DLG2: variants seen among roughly 807,000 people sequenced by gnomAD.
DLG2 encodes the protein discs large MAGUK scaffold protein 2.
A neutral mutation model predicts 132.5 loss-of-function variants in DLG2; 45 were observed. The observed-to-expected ratio is 0.34, with a 90% confidence interval of 0.27 to 0.44. The LOEUF (loss-of-function observed/expected upper bound fraction) is 0.44, where lower values mean the gene tolerates loss of function less well. Among genes scored for constraint, DLG2 ranks in the 20% least tolerant of loss-of-function variants. The pLI, the probability that DLG2 is intolerant of heterozygous loss-of-function variation, is 1.00. For synonymous variants in DLG2, 424 were observed against 419.6 expected, an observed-to-expected ratio of 1.01 and a Z score of -0.13; for missense variants, 1,045 against 1,196.9, an observed-to-expected ratio of 0.87 and a Z score of 1.87.
chr11:83,633,646 G>A, intron 18 of DLG2, among the ~76,000 whole-genome samples: 1 of 151,614 alleles, frequency 6.6e-6, no homozygotes, highest in Admixed American at 6.6e-5. Flanking sequence ...TTATAAACAG[G>A]CAATGTAAAG....
At chr11:83,645,018 A>G (rs2067727778) in intron 18 of DLG2, among the ~76,000 whole-genome samples, 2 of 152,130 alleles carry the variant, frequency 1.3e-5, no homozygotes, top group South Asian at 4.1e-4. Context: ...GTGGATAGAA[A>G]ACCTGGAGGT....
intron 6 of DLG2, among the ~76,000 whole-genome samples, chr11:84,958,011 A>T (rs2051954486): frequency 6.6e-6 from 1 of 152,192 alleles, no homozygotes; most frequent in Non-Finnish European, 1.5e-5. Flanking sequence ...TACCTAGTAG[A>T]TGTCTGATGG....
At chr11:84,001,600 C>T (rs2094348945) in intron 11 of DLG2, among the ~76,000 whole-genome samples, 1 of 152,098 alleles carries the variant, frequency 6.6e-6, no homozygotes, top group African/African-American at 2.4e-5. Flanking sequence ...ATGGACCTAA[C>T]ATACATTTGC....
intron 6 of DLG2, among the ~76,000 whole-genome samples, chr11:84,591,223 C>CTCTCTGTGTGTGTGTGTGTGTGTGTG (rs1555073566): frequency 7.2e-6 from 1 of 139,222 alleles, no homozygotes; most frequent in Non-Finnish European, 1.5e-5. Context: ...ATGTGTCTCT[C>CTCTCTGTGTGTGTGTGTGTGTGTGTG]TGTGTGTGTG....
At chr11:84,225,464 C>T (rs927882105) in intron 8 of DLG2, among the ~76,000 whole-genome samples, 3 of 152,174 alleles carry the variant, frequency 2.0e-5, no homozygotes, top group African/African-American at 4.8e-5. Flanking sequence ...TCTCGTGTCA[C>T]GATTTTTAAT....
intron 6 of DLG2, among the ~76,000 whole-genome samples, chr11:84,620,862 G>T (rs1208213103): frequency 6.6e-6 from 1 of 152,068 alleles, no homozygotes; most frequent in Non-Finnish European, 1.5e-5. Flanking sequence ...GGAAACTTGT[G>T]TACTGATACC....
chr11:85,162,681 G>T (rs1041173547), intron 4 of DLG2, among the ~76,000 whole-genome samples: 4 of 152,184 alleles, frequency 2.6e-5, no homozygotes, highest in Non-Finnish European at 4.4e-5. Context: ...TATTTGGGTT[G>T]GGGATTGGTG....
At chr11:84,478,691 A>G (rs977817675) in intron 7 of DLG2, among the ~76,000 whole-genome samples, 1 of 152,104 alleles carries the variant, frequency 6.6e-6, no homozygotes, top group African/African-American at 2.4e-5. Context: ...ACAGAACCAG[A>G]GTTAATGCCG....
In DLG2 at chr11:85,110,835, AG is replaced by A. The variant is rs571690828; in HGVS notation, c.357+825del. 1.6e-4 allele frequency among the ~76,000 whole-genome samples: 25 copies of A among 152,220 alleles called. 1 individual carries two copies. In the East Asian group the frequency reaches 4.7e-3, roughly 28 times the overall value. On this transcript the variant is annotated intron_variant, in intron 6 of 27. Coordinates refer to ENST00000376104, the MANE Select transcript of DLG2 (RefSeq NM_001142699.3). ...ACATATTACTTTTCCATTGCCTACA[AG>A]GGGAGTCAAATGAGGAGAATTTCCA...
chr11:85,282,359 G>T (rs192318199), intron 4 of DLG2, among the ~76,000 whole-genome samples: 2 of 151,974 alleles, frequency 1.3e-5, no homozygotes, highest in Admixed American at 1.3e-4. Flanking sequence ...AGTGGAATTA[G>T]AATGTTCCTA....
At chr11:83,540,297 G>A (rs1392001398) in intron 20 of DLG2, among the ~76,000 whole-genome samples, 1 of 152,212 alleles carries the variant, frequency 6.6e-6, no homozygotes, top group Non-Finnish European at 1.5e-5. Context: ...CTGAGTCAAT[G>A]CTTTAAACAT....
chr11:83,630,106 AAAGT>A (rs1338735351), intron 19 of DLG2, among the ~76,000 whole-genome samples: 1 of 152,182 alleles, frequency 6.6e-6, no homozygotes, highest in Non-Finnish European at 1.5e-5. Flanking sequence ...TAAAGGAAAA[AAAGT>A]ATAACTAGAT....
chr11:84,306,475 A>C (rs1485157039), intron 7 of DLG2, among the ~76,000 whole-genome samples: 2 of 152,342 alleles, frequency 1.3e-5, no homozygotes, highest in African/African-American at 4.8e-5. Context: ...ACAACTGACA[A>C]AATTGCTAAC....
At chr11:83,809,500 G>C (rs1051944416) in intron 17 of DLG2, among the ~76,000 whole-genome samples, 2 of 152,088 alleles carry the variant, frequency 1.3e-5, no homozygotes, top group Admixed American at 1.3e-4. Flanking sequence ...ATAGAGACCT[G>C]CTACATATCA....
intron 5 of DLG2, among the ~76,000 whole-genome samples, chr11:85,139,181 T>C (rs1393803707): frequency 6.6e-6 from 1 of 152,116 alleles, no homozygotes; most frequent in Non-Finnish European, 1.5e-5. Context: ...ATCTTCTCTA[T>C]TCATCTCTTA....
At chr11:84,354,447 A>G (rs2098599113) in intron 7 of DLG2, among the ~76,000 whole-genome samples, 2 of 152,146 alleles carry the variant, frequency 1.3e-5, no homozygotes, top group South Asian at 4.1e-4. Context: ...CCTAATTTTG[A>G]GAAGGAAATT....
At chr11:85,283,886 G>GAA (rs775403392) in intron 4 of DLG2, among the ~76,000 whole-genome samples, 1 of 103,364 alleles carries the variant, frequency 9.7e-6, no homozygotes, top group Non-Finnish European at 2.1e-5. Flanking sequence ...GAAACAGTTA[G>GAA]AAAAAAAAAA....
At chr11:85,470,210 T>C (rs1182652730) in intron 3 of DLG2, among the ~76,000 whole-genome samples, 2 of 149,824 alleles carry the variant, frequency 1.3e-5, no homozygotes, top group Non-Finnish European at 3.0e-5. Flanking sequence ...TTAATCTACT[T>C]GGTTTTTTTT....
intron 3 of DLG2, among the ~76,000 whole-genome samples, chr11:85,539,702 C>A (rs549964109): frequency 1.3e-5 from 2 of 151,800 alleles, no homozygotes; most frequent in Non-Finnish European, 2.9e-5. Flanking sequence ...TGAGTTTAAC[C>A]GATAAATATA....
Sources: allele counts gnomAD v4.1 joint callset (sites outside exome capture counted in the v4.1 genomes callset), GRCh38; gene constraint gnomAD v4.1.1; transcripts MANE v1.5; gene names NCBI Gene and HGNC (gene_info 2026-07-23, HGNC 2026-07-21).